The following TRPM3 variants were observed in gnomAD, a reference collection of about 807,000 sequenced individuals.
TRPM3 encodes long transient receptor potential channel 3.
A neutral mutation model predicts 181.2 loss-of-function variants in TRPM3; 77 were observed. That is an observed-to-expected ratio of 0.42 (90% confidence interval 0.35 to 0.51). TRPM3 has a LOEUF of 0.51. Among genes scored for constraint, TRPM3 ranks in the 20% least tolerant of loss-of-function variants. TRPM3 has a pLI of 0.01. For missense variants in TRPM3, 1,759 were observed against 2,196.7 expected (o/e 0.80, Z 3.98); for synonymous variants, 745 against 796.4 (o/e 0.94, Z 1.09).
intron 1 of TRPM3, among the ~76,000 whole-genome samples, chr9:71,342,269 T>A (rs1342943861): frequency 7.1e-6 from 1 of 141,366 alleles, no homozygotes; most frequent in Admixed American, 7.2e-5. Flanking sequence ...TATATATATA[T>A]AAATAAATAT....
At chr9:70,570,396 T>C (rs1416752255) in intron 22 of TRPM3, among the ~76,000 whole-genome samples, 1 of 143,224 alleles carries the variant, frequency 7.0e-6, no homozygotes, top group Non-Finnish European at 1.5e-5. Context: ...GCAACCTCCA[T>C]CTCCTGGGTT....
intron 1 of TRPM3, among the ~76,000 whole-genome samples, chr9:71,423,152 C>T (rs1267121174): frequency 6.6e-6 from 1 of 152,054 alleles, no homozygotes; most frequent in African/African-American, 2.4e-5. Flanking sequence ...GCATTTCCTG[C>T]TGTGAGCAAG....
chr9:71,184,521 ATC>A (rs1477520172), intron 1 of TRPM3, among the ~76,000 whole-genome samples: 7 of 152,168 alleles, frequency 4.6e-5, no homozygotes, highest in Middle Eastern at 3.4e-3. Context: ...TTCTCTCAGT[ATC>A]TGTTAGTCCT....
chr9:70,937,935 T>C (rs765967520), intron 1 of TRPM3, among the ~76,000 whole-genome samples: 11 of 152,200 alleles, frequency 7.2e-5, no homozygotes, highest in Non-Finnish European at 1.2e-4. Context: ...ACCACTTAGT[T>C]GAATTCTGAG....
intron 1 of TRPM3, among the ~76,000 whole-genome samples, chr9:71,042,500 G>A (rs1488049942): frequency 2.0e-5 from 3 of 152,232 alleles, no homozygotes; most frequent in South Asian, 2.1e-4. Context: ...GTGGGTGTTC[G>A]ATAAATGTCC....
intron 1 of TRPM3, among the ~76,000 whole-genome samples, chr9:71,039,330 G>T (rs1363851407): frequency 2.0e-5 from 3 of 152,154 alleles, no homozygotes; most frequent in African/African-American, 7.2e-5. Flanking sequence ...CACATGTAAA[G>T]AACCCAATAG....
chr9:70,802,146 G>T (rs182441397), intron 6 of TRPM3, among the ~76,000 whole-genome samples: 5 of 150,966 alleles, frequency 3.3e-5, no homozygotes, highest in African/African-American at 1.2e-4. Context: ...GCAGGGAAAG[G>T]AGATTTTTGC....
chr9:71,124,154 G>A (rs1483871272), upstream of TRPM3, among the ~76,000 whole-genome samples: 3 of 152,116 alleles, frequency 2.0e-5, no homozygotes, highest in Non-Finnish European at 4.4e-5. Flanking sequence ...ATGAGAGGCA[G>A]TTTTTCTTCC....
chr9:71,441,078 C>T (rs987256717), intron 1 of TRPM3, among the ~76,000 whole-genome samples: 3 of 152,084 alleles, frequency 2.0e-5, no homozygotes, highest in African/African-American at 4.8e-5. Context: ...CTAACATATT[C>T]GTGGTCCTCA....
chr9:71,416,609 C>A (rs937842862), intron 1 of TRPM3, among the ~76,000 whole-genome samples: 1 of 151,724 alleles, frequency 6.6e-6, no homozygotes, highest in South Asian at 2.1e-4. Flanking sequence ...CAGTAAAATG[C>A]CTTATGTTTT....
chr9:70,816,650 T>C (rs74770258), intron 6 of TRPM3, among the ~76,000 whole-genome samples: 4,376 of 152,324 alleles, frequency 0.029, 89 homozygotes, highest in Middle Eastern at 0.058. Context: ...AAGTACAGTG[T>C]CATAGAAACA....
At chr9:71,436,490 AC>A (rs948990576) in intron 1 of TRPM3, among the ~76,000 whole-genome samples, 84 of 1,314 alleles carry the variant, frequency 0.064, no homozygotes, top group African/African-American at 0.078. Context: ...TTTAGTAGAG[AC>A]GGGGGGTTTC....
chr9:71,396,085 A>G (rs2093184393), intron 1 of TRPM3, among the ~76,000 whole-genome samples: 1 of 152,206 alleles, frequency 6.6e-6, no homozygotes, highest in African/African-American at 2.4e-5. Flanking sequence ...TCAATGGGAA[A>G]CAACTATTAG....
At chr9:70,965,037 TCTAA>T (rs369339059) in intron 1 of TRPM3, among the ~76,000 whole-genome samples, 203 of 152,226 alleles carry the variant, frequency 1.3e-3, no homozygotes, top group African/African-American at 4.5e-3. Context: ...GCCCTAGTTC[TCTAA>T]CTCACTCACT....
In TRPM3 at chr9:70,569,974, T is replaced by C. The variant is rs534033869; in HGVS notation, c.3224-16664A>G. ...GGAATGGACTCCAACTGTTGATCCA[T>C]GAGCAATAGTTCATGGGACTTGACT... On this transcript the variant is annotated intron_variant, in intron 22 of 25. Coordinates refer to ENST00000677713, the MANE Select transcript of TRPM3 (RefSeq NM_001366145.2). Among the ~76,000 whole-genome samples, 3 of 152,326 alleles carry C rather than the reference T, an allele frequency of 2.0e-5. No individual in the cohort carries two copies. The South Asian group carries it at 6.2e-4, about 32-fold the overall frequency.
chr9:71,369,191 TA>T (rs1474293975), intron 1 of TRPM3, among the ~76,000 whole-genome samples: 1 of 151,952 alleles, frequency 6.6e-6, no homozygotes, highest in Non-Finnish European at 1.5e-5. Context: ...AAGTTTATAA[TA>T]AGAGAAATAA....
rs376170163 is a variant in TRPM3 at position 71,296,366 on chromosome 9, G to A, written c.183+150287C>T. Among the ~76,000 whole-genome samples the A allele has an allele frequency of 3.9e-4, 59 of 152,216 alleles. 2 individuals carry two copies. In the South Asian group the frequency reaches 0.01, roughly 27 times the overall value. ...ACAAAAAATCCAGATAGAGTGTGTT[G>A]GAGGCTACTTTTTCCTAGGGCAATG... On this transcript the variant is annotated intron_variant, in intron 1 of 24. Transcript: ENST00000357533.
At position 70,738,980 on chromosome 9, in the gene TRPM3, T is replaced by C. The variant is rs547035661; in HGVS notation, c.1272+22621A>G. Among the ~76,000 whole-genome samples the C allele has an allele frequency of 1.1e-3, 162 of 151,026 alleles. 1 individual carries two copies. Among genetic ancestry groups the C allele is most frequent in the African/African-American group, 3.8e-3 (156 of 41,240 alleles). ...ATAACAAGCAGCAAGATTGAAATGG[T>C]AATAAAAAAAAAATTGCCAACCAAG... On this transcript the variant is annotated intron_variant, in intron 8 of 25. Transcript: ENST00000677713.
At position 70,921,698 on chromosome 9, in the gene TRPM3, G is replaced by A. The variant is rs370632435; in HGVS notation, c.178-57187C>T. 9.2e-4 allele frequency among the ~76,000 whole-genome samples: 140 copies of A among 152,222 alleles called. 1 individual carries two copies. The highest frequency in any genetic ancestry group is 3.2e-3 in the African/African-American group (131 of 41,538). The stretch of plus-strand genomic sequence containing the variant: ...CACAAAGACCCATTTCTCCGTTCTT[G>A]TGCATGTTCTCTCTCTCTCTGGTTC... On this transcript the variant is annotated intron_variant, in intron 1 of 25. Coordinates refer to ENST00000677713, the MANE Select transcript of TRPM3 (RefSeq NM_001366145.2).
Sources: allele counts gnomAD v4.1 joint callset (sites outside exome capture counted in the v4.1 genomes callset), GRCh38; gene constraint gnomAD v4.1.1; transcripts MANE v1.5; gene names NCBI Gene and HGNC (gene_info 2026-07-23, HGNC 2026-07-21).